GASK1B: variants seen among roughly 807,000 people sequenced by gnomAD.
GASK1B encodes the protein Golgi-associated kinase 1B.
In GASK1B, 34 loss-of-function variants were observed where a neutral mutation model predicts 42.8. That is an observed-to-expected ratio of 0.79 (90% CI 0.60 to 1.06). GASK1B has a LOEUF of 1.06. Ranked by LOEUF, GASK1B falls within the 50% of genes least tolerant of loss-of-function variation. The probability of loss-of-function intolerance (pLI) is 0.00; values close to 1 mark genes in which losing one functional copy is unlikely to be tolerated. For synonymous variants in GASK1B, 262 were observed against 259.1 expected, an observed-to-expected ratio of 1.01 and a Z score of -0.11; for missense variants, 686 against 661.0, an observed-to-expected ratio of 1.04 and a Z score of -0.42.
intron 3 of GASK1B, among the ~76,000 whole-genome samples, chr4:158,140,548 G>A (rs1379883028): frequency 6.6e-6 from 1 of 152,080 alleles, no homozygotes; most frequent in Non-Finnish European, 1.5e-5. Context: ...ACACTATCAC[G>A]TTCATTTTTC....
chr4:158,164,318 C>T lies in GASK1B; in HGVS notation c.910+6148G>A, dbSNP rs559936612. Among the ~76,000 whole-genome samples the T allele has an allele frequency of 2.6e-5, 4 of 152,304 alleles. No individual in the cohort carries two copies. In the South Asian group the frequency reaches 8.3e-4, roughly 32 times the overall value. ...AGTTAAGGCACATGCATCTTTTATGCTGTGGGTACTGTGGTAACCATTAAT... is the reference window on the plus strand; with the variant it reads ...AGTTAAGGCACATGCATCTTTTATGTTGTGGGTACTGTGGTAACCATTAAT... On this transcript the variant is annotated intron_variant, in intron 2 of 4. Transcript: ENST00000585682.
chr4:158,151,818 G>A (rs1006011689), intron 3 of GASK1B, among the ~76,000 whole-genome samples: 1 of 152,188 alleles, frequency 6.6e-6, no homozygotes, highest in Non-Finnish European at 1.5e-5. Context: ...GGTTAATGTT[G>A]AATGTCAACT....
At chr4:158,130,008 G>A (rs1730618345) in intron 4 of GASK1B, among the ~76,000 whole-genome samples, 1 of 152,106 alleles carries the variant, frequency 6.6e-6, no homozygotes, top group Non-Finnish European at 1.5e-5. Context: ...AGTGTGCCAT[G>A]AGCAACCACT....
In GASK1B at chr4:158,171,023, G is replaced by A. The variant is rs765182733; in HGVS notation, c.353C>T (p.Pro118Leu). The change falls in exon 2 of 5, where the codon CCG becomes CTG. Residue 118 changes from proline to leucine, a missense_variant. By Grantham distance (98) the Pro-to-Leu change is moderately conservative (BLOSUM62 -3). Coordinates refer to ENST00000585682, the MANE Select transcript of GASK1B (RefSeq NM_001128424.2). ...CTTCACGGTGCCACGGATATTGGCC[G>A]GCTTGCTGCGCTTGGAGCGTAGGGT... ...YITLRSKRSK[P>L]ANIRGTVKPK... 5 of 1,613,870 alleles carry A rather than the reference G, an allele frequency of 3.1e-6. No homozygotes were observed. In the South Asian group the frequency reaches 3.3e-5, roughly 11 times the overall value.
intron 3 of GASK1B, among the ~76,000 whole-genome samples, chr4:158,143,960 T>C (rs1028908119): frequency 7.9e-5 from 12 of 152,194 alleles, no homozygotes; most frequent in African/African-American, 2.9e-4. Flanking sequence ...AATTTCCTTG[T>C]TACTGATATT....
chr4:158,128,275 G>A (rs1175563027), intron 4 of GASK1B, among the ~76,000 whole-genome samples: 1 of 152,124 alleles, frequency 6.6e-6, no homozygotes, highest in East Asian at 1.9e-4. Context: ...TCAAGTTTCA[G>A]AGAAAAGTTT....
At chr4:158,131,419 T>C (rs1247418979) in intron 3 of GASK1B, among the ~76,000 whole-genome samples, 1 of 152,208 alleles carries the variant, frequency 6.6e-6, no homozygotes, top group Non-Finnish European at 1.5e-5. Flanking sequence ...GAAATTGGAG[T>C]TACTTCATTG....
intron 3 of GASK1B, among the ~76,000 whole-genome samples, chr4:158,131,453 C>T (rs1730680124): frequency 6.6e-6 from 1 of 152,168 alleles, no homozygotes; most frequent in African/African-American, 2.4e-5. Context: ...ATTGCATCCC[C>T]TAGCCTATCT....
chr4:158,153,158 A>T (rs1731622259), intron 3 of GASK1B, among the ~76,000 whole-genome samples: 1 of 152,214 alleles, frequency 6.6e-6, no homozygotes, highest in South Asian at 2.1e-4. Context: ...AAGCTTCGGG[A>T]TACAAAATTA....
chr4:158,129,621 CCA>C (rs1232938705), intron 4 of GASK1B, among the ~76,000 whole-genome samples: 1 of 152,056 alleles, frequency 6.6e-6, no homozygotes, highest in Admixed American at 6.6e-5. Flanking sequence ...ACAGAGCACA[CCA>C]CAGTTACTAC....
At chr4:158,137,279 T>C (rs937003487) in intron 3 of GASK1B, among the ~76,000 whole-genome samples, 1 of 148,942 alleles carries the variant, frequency 6.7e-6, no homozygotes, top group African/African-American at 2.6e-5. Context: ...CCAAAGGAAA[T>C]GCTTTTCTAT....
In GASK1B at chr4:158,127,080, T is replaced by C; in HGVS notation, c.*327A>G. 1 of 201,396 alleles carries C rather than the reference T, an allele frequency of 5.0e-6. No individual in the cohort carries two copies. Among genetic ancestry groups the C allele is most frequent in the Non-Finnish European group, 1.0e-5 (1 of 99,280 alleles). The allele number at this position is 201,396 out of a possible 1,614,324, so 12.5% of individuals were successfully genotyped here. On this transcript the variant is annotated 3_prime_UTR_variant, in exon 5 of 5. Transcript: ENST00000585682. ...TGGAGTCAGTGTCTCTGGTTTGCAG[T>C]TTTCTATTAAACAGCATGACAAATG... is the stretch of plus-strand genomic sequence containing the variant.
intron 2 of GASK1B, among the ~76,000 whole-genome samples, chr4:158,162,551 G>C (rs1037311470): frequency 2.8e-4 from 42 of 152,286 alleles, no homozygotes; most frequent in Non-Finnish European, 4.1e-4. Context: ...ATACGAATTG[G>C]GAAGGATTAG....
At chr4:158,139,600 A>G (rs888418669) in intron 3 of GASK1B, among the ~76,000 whole-genome samples, 1 of 152,150 alleles carries the variant, frequency 6.6e-6, no homozygotes, top group African/African-American at 2.4e-5. Context: ...ATTACTGAGG[A>G]CCCCCTAAGA....
At position 158,162,113 on chromosome 4, in the gene GASK1B, A is replaced by G. The variant is rs554649410; in HGVS notation, c.911-6288T>C. On this transcript the variant is annotated intron_variant, in intron 2 of 4. Transcript: ENST00000585682. ...CTGCACCCATCCCATCTCTCACACC[A>G]CCCACAGTGACTTTTAAGAACCAGT... Among the ~76,000 whole-genome samples the G allele has an allele frequency of 6.6e-5, 10 of 152,064 alleles. 1 individual carries two copies. In the South Asian group the frequency reaches 2.1e-3, roughly 32 times the overall value.
chr4:158,158,518 T>C (rs938438618), intron 2 of GASK1B, among the ~76,000 whole-genome samples: 1 of 152,136 alleles, frequency 6.6e-6, no homozygotes, highest in African/African-American at 2.4e-5. Context: ...TATGTAGAGT[T>C]TGTCATAATT....
rs1472813157 is a variant in GASK1B, at chr4:158,130,861, A to G, written c.1277T>C (p.Val426Ala). Reference protein sequence around the residue: ...IQRKHDPRHLVFIDNKGFFDR... With the variant: ...IQRKHDPRHLAFIDNKGFFDR... ...AAAGAAACCCTTGTTGTCTATAAAAACCAAATGCCTTGGGTCATGCTTTCG... is the reference window on the plus strand; with the variant it reads ...AAAGAAACCCTTGTTGTCTATAAAAGCCAAATGCCTTGGGTCATGCTTTCG... The change falls in exon 4 of 5, where the codon GTT becomes GCT. Residue 426 changes from valine to alanine, a missense_variant. Val to Ala is a moderately conservative substitution (Grantham distance 64, BLOSUM62 0). Coordinates refer to ENST00000585682, the MANE Select transcript of GASK1B (RefSeq NM_001128424.2). 6 of 1,613,976 alleles carry G rather than the reference A, an allele frequency of 3.7e-6. No homozygotes were observed. Among genetic ancestry groups the G allele is most frequent in the Non-Finnish European group, 5.1e-6 (6 of 1,179,948 alleles).
At chr4:158,142,196 G>A (rs973593298) in intron 3 of GASK1B, among the ~76,000 whole-genome samples, 4 of 150,680 alleles carry the variant, frequency 2.7e-5, no homozygotes, top group African/African-American at 7.3e-5. Flanking sequence ...CACCCGCCTC[G>A]GCCTCCCAAA....
At chr4:158,138,654 G>C (rs1283456188) in intron 3 of GASK1B, among the ~76,000 whole-genome samples, 2 of 151,512 alleles carry the variant, frequency 1.3e-5, no homozygotes, top group Non-Finnish European at 2.9e-5. Flanking sequence ...CTATAATATA[G>C]ATTTTTAAAG....
Sources: allele counts gnomAD v4.1 joint callset (sites outside exome capture counted in the v4.1 genomes callset), GRCh38; gene constraint gnomAD v4.1.1; transcripts MANE v1.5; gene names NCBI Gene and HGNC (gene_info 2026-07-23, HGNC 2026-07-21).